The following CA5A variants were observed in gnomAD, a reference collection of about 807,000 sequenced individuals.
The protein encoded by CA5A is carbonic anhydrase 5A, mitochondrial.
Under a neutral mutation model 37.1 loss-of-function variants are expected in CA5A, and 28 were observed. The observed-to-expected ratio is 0.75, with a 90% confidence interval of 0.56 to 1.03. The LOEUF is 1.03. Ranked by LOEUF, CA5A falls within the 50% of genes least tolerant of loss-of-function variation. The pLI is 0.00. For missense variants in CA5A, 444 were observed against 399.9 expected, an observed-to-expected ratio of 1.11 and a Z score of -0.94; for synonymous variants, 171 against 158.4, an observed-to-expected ratio of 1.08 and a Z score of -0.60.
chr16:87,919,575 TG>T (rs1226536356), intron 2 of CA5A, among the ~76,000 whole-genome samples: 1 of 152,080 alleles, frequency 6.6e-6, no homozygotes, highest in Non-Finnish European at 1.5e-5. Flanking sequence ...AAGCAGAGCC[TG>T]GGGGAGCACT....
intron 1 of CA5A, among the ~76,000 whole-genome samples, chr16:87,930,711 C>G (rs1320663274): frequency 6.6e-6 from 1 of 151,388 alleles, no homozygotes; most frequent in Non-Finnish European, 1.5e-5. Flanking sequence ...AGAGGGAGCC[C>G]TCTGCTGCCA....
chr16:87,936,030 G>A (rs1369263374), intron 1 of CA5A, among the ~76,000 whole-genome samples: 8 of 152,188 alleles, frequency 5.3e-5, no homozygotes, highest in African/African-American at 1.7e-4. Flanking sequence ...AAATTAGCCA[G>A]GAGTGGTGGC....
chr16:87,934,294 C>T (rs536292390), intron 1 of CA5A, among the ~76,000 whole-genome samples: 19 of 152,246 alleles, frequency 1.2e-4, no homozygotes, highest in Non-Finnish European at 1.9e-4. Flanking sequence ...GACAGCTGGG[C>T]GTGGTGGCTC....
intron 2 of CA5A, among the ~76,000 whole-genome samples, chr16:87,917,724 C>A (rs1337637766): frequency 6.7e-5 from 5 of 74,798 alleles, no homozygotes; most frequent in Non-Finnish European, 1.1e-4. Context: ...TGAACACGTG[C>A]ACACACACAT....
chr16:87,923,788 C>T, intron 2 of CA5A: 2 of 985,264 alleles, frequency 2.0e-6, no homozygotes, highest in Non-Finnish European at 2.4e-6. Context: ...CCCACAGCCA[C>T]ATCTAAAAAT....
intron 2 of CA5A, among the ~76,000 whole-genome samples, chr16:87,913,593 G>A (rs1245437823): frequency 2.0e-5 from 3 of 152,092 alleles, no homozygotes; most frequent in East Asian, 1.9e-4. Flanking sequence ...GGCCTCCACC[G>A]TAGCTCCTTT....
intron 1 of CA5A, among the ~76,000 whole-genome samples, chr16:87,935,103 C>T (rs1475393463): frequency 1.3e-5 from 2 of 152,264 alleles, no homozygotes; most frequent in East Asian, 3.8e-4. Context: ...CCTGCCGAGG[C>T]TCCACCTCAG....
chr16:87,929,654 C>T (rs373758315), intron 1 of CA5A, among the ~76,000 whole-genome samples: 129 of 151,856 alleles, frequency 8.5e-4, no homozygotes, highest in Middle Eastern at 3.4e-3. Flanking sequence ...GGGCGGATCA[C>T]GAGGTCAGGA....
At chr16:87,934,005 G>A (rs1389919652) in intron 1 of CA5A, among the ~76,000 whole-genome samples, 1 of 152,212 alleles carries the variant, frequency 6.6e-6, no homozygotes, top group Non-Finnish European at 1.5e-5. Flanking sequence ...AGCACACGAT[G>A]TAAGAGGACA....
At chr16:87,897,674 C>T (rs1204883619) in intron 5 of CA5A, among the ~76,000 whole-genome samples, 2 of 152,206 alleles carry the variant, frequency 1.3e-5, no homozygotes, top group Non-Finnish European at 2.9e-5. Context: ...AGGTGGGCGC[C>T]AGGATGACTG....
chr16:87,909,631 G>A (rs117633633), intron 2 of CA5A, among the ~76,000 whole-genome samples: 7,387 of 152,270 alleles, frequency 0.049, 250 homozygotes, highest in Non-Finnish European at 0.068. Context: ...AATGCCAGCG[G>A]GTGTGGATTC....
At position 87,933,558 on chromosome 16, in the gene CA5A, T is replaced by TC. The variant is rs563198784; in HGVS notation, c.142+2750_142+2751insG. Reference sequence around the variant, plus strand: ...GTCCAGTTAATTTTTTAATTTTTTTTTTTTTTTAGAGATGGGTTCTTGCTA... The same window carrying TC: ...GTCCAGTTAATTTTTTAATTTTTTTTCTTTTTTTAGAGATGGGTTCTTGCTA... On this transcript the variant is annotated intron_variant, in intron 1 of 6. Transcript: ENST00000649794. Among the ~76,000 whole-genome samples, 609 of 152,030 alleles carry TC rather than the reference T, an allele frequency of 4.0e-3. 3 individuals carry two copies. The highest frequency in any genetic ancestry group is 0.014 in the African/African-American group (573 of 41,470).
intron 5 of CA5A, among the ~76,000 whole-genome samples, chr16:87,901,370 G>A (rs551531672): frequency 5.6e-4 from 85 of 152,336 alleles, no homozygotes; most frequent in Admixed American, 9.8e-4. Context: ...TTATTTTATG[G>A]AGGAGGAAAC....
intron 2 of CA5A, among the ~76,000 whole-genome samples, chr16:87,913,989 T>G (rs1348999342): frequency 6.6e-6 from 1 of 152,236 alleles, no homozygotes; most frequent in African/African-American, 2.4e-5. Context: ...TCATCCACTG[T>G]GCTTGACGTC....
chr16:87,905,400 C>G (rs887772204), intron 2 of CA5A, among the ~76,000 whole-genome samples: 1 of 152,152 alleles, frequency 6.6e-6, no homozygotes, highest in Non-Finnish European at 1.5e-5. Context: ...TACTCTATTG[C>G]CCAGGCTGGA....
At chr16:87,910,804 CA>C (rs1475086769) in intron 2 of CA5A, among the ~76,000 whole-genome samples, 3 of 152,090 alleles carry the variant, frequency 2.0e-5, no homozygotes, top group Non-Finnish European at 4.4e-5. Flanking sequence ...GGCTGGAGTG[CA>C]ATGGCCAGAT....
intron 2 of CA5A, among the ~76,000 whole-genome samples, chr16:87,919,798 G>T (rs1009824524): frequency 3.9e-5 from 6 of 152,200 alleles, no homozygotes; most frequent in Admixed American, 3.9e-4. Context: ...AGGAAGGCAG[G>T]GGGCAGCGGC....
intron 2 of CA5A, among the ~76,000 whole-genome samples, chr16:87,921,996 T>A (rs1163057129): frequency 2.6e-5 from 4 of 152,060 alleles, no homozygotes; most frequent in Non-Finnish European, 4.4e-5. Flanking sequence ...GCCTCCCGAG[T>A]AGCTGGGACC....
chr16:87,933,602 T>C (rs1010563389), intron 1 of CA5A, among the ~76,000 whole-genome samples: 2 of 152,044 alleles, frequency 1.3e-5, no homozygotes, highest in African/African-American at 4.8e-5. Context: ...AGGCTGATCT[T>C]GAACTCCTGT....
Sources: allele counts gnomAD v4.1 joint callset (sites outside exome capture counted in the v4.1 genomes callset), GRCh38; gene constraint gnomAD v4.1.1; transcripts MANE v1.5; gene names NCBI Gene and HGNC (gene_info 2026-07-23, HGNC 2026-07-21).